UGGT1: variants seen among roughly 807,000 people sequenced by gnomAD.
UGGT1 encodes the protein UDP-glucose glycoprotein glucosyltransferase 1.
A neutral mutation model predicts 203.9 loss-of-function variants in UGGT1; 107 were observed. The ratio of observed to expected loss-of-function variants is 0.52; its 90% CI spans 0.45 to 0.62. The LOEUF (loss-of-function observed/expected upper bound fraction) is 0.62, where lower values mean the gene tolerates loss of function less well. Among genes scored for constraint, UGGT1 ranks in the 20% least tolerant of loss-of-function variants. The probability of loss-of-function intolerance (pLI) is 0.00; values close to 1 mark genes in which losing one functional copy is unlikely to be tolerated. For synonymous variants in UGGT1, 628 were observed against 653.5 expected (o/e 0.96, Z 0.59); for missense variants, 1,673 against 1,867.2 (o/e 0.90, Z 1.92).
chr2:128,129,132 C>G lies in UGGT1; in HGVS notation c.1330C>G (p.Pro444Ala). Residue 444 changes from proline to alanine, a missense_variant, in exon 13 of 41, where the codon CCC (proline) becomes GCC (alanine). By Grantham distance (27) the Pro-to-Ala change is conservative. This residue lies in a region of UGGT1 where 1,073 missense variants were observed against 1,078.7 expected (regional missense o/e 0.99). Transcript: ENST00000259253. ...LHNVLKLNIQ[P>A]SEADYAVDIR... The stretch of plus-strand genomic sequence containing the variant: ...TAATGTTTTGAAGCTGAACATCCAG[C>G]CCTCTGAGGCAGACTATGCCGTAGA... The G allele has an allele frequency of 6.2e-7, 1 of 1,614,018 alleles. No homozygotes were observed. Among genetic ancestry groups the G allele is most frequent in the Non-Finnish European group, 8.5e-7 (1 of 1,179,998 alleles).
chr2:128,091,278 C>G lies in UGGT1; in HGVS notation c.-80C>G. 7.1e-7 allele frequency: 1 copy of G among 1,414,148 alleles called. No individual in the cohort carries two copies. Among genetic ancestry groups the G allele is most frequent in the South Asian group, 1.4e-5 (1 of 73,326 alleles). 87.6% of individuals were successfully genotyped at this position (1,414,148 alleles called of 1,614,324 possible). A position where few individuals can be genotyped will look rare whatever the true frequency, so the allele number is the denominator to read the frequency against. ...GCGTGTCGGCCTCTCACTGGCGCAG[C>G]CTGCACTGCCGCTGCCGCCTCGCCC... On this transcript the variant is annotated 5_prime_UTR_variant, in exon 1 of 41. Coordinates refer to ENST00000259253, the MANE Select transcript of UGGT1 (RefSeq NM_020120.4).
At chr2:128,107,789 T>C in intron 3 of UGGT1, 149 bp from the exon 4 acceptor site, 1 of 1,073,220 alleles carries the variant, frequency 9.3e-7, no homozygotes, top group Non-Finnish European at 1.3e-6. Flanking sequence ...TCCAGGGAGT[T>C]TTAAGCATTT....
chr2:128,177,845 C>G lies in UGGT1; in HGVS notation c.3638C>G (p.Ala1213Gly). Residue 1213 changes from alanine to glycine, a missense_variant, in exon 33 of 41, where the codon GCA becomes GGA. By Grantham distance (60) the Ala-to-Gly change is moderately conservative. Transcript: ENST00000259253. Reference protein sequence around the residue: ...KIIKVKVQKKADMVNEDLLSD... With the variant: ...KIIKVKVQKKGDMVNEDLLSD... ...ATTTGATTGCAGGTTCAGAAGAAGG[C>G]AGATATGGTGAACGAAGACTTGCTG... 1 of 1,599,564 alleles carries G rather than the reference C, an allele frequency of 6.3e-7. No individual in the cohort carries two copies. The highest frequency in any genetic ancestry group is 8.5e-7 in the Non-Finnish European group (1 of 1,173,660).
rs188273185 is a variant in UGGT1, at chr2:128,132,877, A to G, written c.1378-264A>G. Among the ~76,000 whole-genome samples the G allele has an allele frequency of 9.7e-3, 1,477 of 151,762 alleles. 14 individuals are homozygous for G. Among genetic ancestry groups the G allele is most frequent in the Non-Finnish European group, 0.016 (1,056 of 67,912 alleles). The stretch of plus-strand genomic sequence containing the variant: ...CAGCCACCATGCCTGGCTAATTTTT[A>G]TATTTTTTTGCAGAGATGGGGGTCT... On this transcript the variant is annotated intron_variant, in intron 13 of 40. Coordinates refer to ENST00000259253, the MANE Select transcript of UGGT1 (RefSeq NM_020120.4).
rs1355012668 is a variant in UGGT1 at position 128,123,170 on chromosome 2, G to A, written c.1074-16G>A. 2 of 1,606,324 alleles carry A rather than the reference G, an allele frequency of 1.2e-6. No homozygotes were observed. The highest frequency in any genetic ancestry group is 2.2e-5 in the East Asian group (1 of 44,680). On this transcript the variant is annotated splice_polypyrimidine_tract_variant and intron_variant, in intron 10 of 40. Transcript: ENST00000259253. ...AAATATTAAGCCAAGCACTCATAATGTTTTTATTTCCTTAGAGCAATAACA... is the reference window on the plus strand; with the variant it reads ...AAATATTAAGCCAAGCACTCATAATATTTTTATTTCCTTAGAGCAATAACA...
At chr2:128,145,619 C>T (rs1689650662) in intron 17 of UGGT1, 184 bp from the exon 18 acceptor site, 3 of 594,926 alleles carry the variant, frequency 5.0e-6, no homozygotes, top group Non-Finnish European at 8.1e-6. Flanking sequence ...CTCAGATTTA[C>T]ATAGTAGGAT....
intron 18 of UGGT1, among the ~76,000 whole-genome samples, chr2:128,150,166 G>A (rs1040870657): frequency 6.6e-6 from 1 of 152,126 alleles, no homozygotes; most frequent in African/African-American, 2.4e-5. Context: ...GCCAGTTGTG[G>A]TGGCTGACGC....
chr2:128,186,478 GCCCCTGTAGT>G lies in UGGT1; in HGVS notation c.4360-201_4360-192del, dbSNP rs57682394. Reference sequence around the variant, plus strand: ...AAAAATTGGCCAGGCATGGTGGCGGGCCCCTGTAGTCCCAGCTACTCAGGAGGCTGAGGCA... The same window carrying G: ...AAAAATTGGCCAGGCATGGTGGCGGGCCCAGCTACTCAGGAGGCTGAGGCA... On this transcript the variant is annotated intron_variant, in intron 38 of 40. Coordinates refer to ENST00000259253, the MANE Select transcript of UGGT1 (RefSeq NM_020120.4). 4.1e-3 allele frequency among the ~76,000 whole-genome samples: 627 copies of G among 152,154 alleles called. 6 individuals carry two copies. The highest frequency in any genetic ancestry group is 0.013 in the African/African-American group (549 of 41,506).
At chr2:128,174,550 C>T (rs778888978) in intron 30 of UGGT1, among the ~76,000 whole-genome samples, 6 of 152,178 alleles carry the variant, frequency 3.9e-5, no homozygotes, top group Non-Finnish European at 5.9e-5. Flanking sequence ...ATCCACCTGC[C>T]GTGGTCTCCC....
intron 25 of UGGT1, among the ~76,000 whole-genome samples, chr2:128,162,525 G>A (rs959893825): frequency 6.6e-6 from 1 of 152,090 alleles, no homozygotes; most frequent in African/African-American, 2.4e-5. Context: ...TGTTGACTTG[G>A]ATAGCTGTCA....
At chr2:128,168,177 G>T (rs750990824) in intron 26 of UGGT1, among the ~76,000 whole-genome samples, 2 of 152,178 alleles carry the variant, frequency 1.3e-5, no homozygotes, top group African/African-American at 4.8e-5. Flanking sequence ...TTCTGATTCA[G>T]TAAGTCTGGG....
intron 11 of UGGT1, among the ~76,000 whole-genome samples, chr2:128,123,943 C>T (rs1462704793): frequency 1.3e-5 from 2 of 152,082 alleles, no homozygotes; most frequent in Non-Finnish European, 2.9e-5. Flanking sequence ...CAACTTTCTA[C>T]TTGTTTTTGT....
In UGGT1 at chr2:128,182,212, G is replaced by T; in HGVS notation, c.4166G>T (p.Arg1389Leu). ...PYGYTPFCDS[R>L]REMDGYRFWK... The stretch of plus-strand genomic sequence containing the variant: ...GGTTACACTCCTTTCTGTGACAGCC[G>T]AAGAGAAATGGACGGCTACAGGTTC... Residue 1389 changes from arginine (R) to leucine (L), a missense_variant, in exon 37 of 41, where the codon CGA becomes CTA. Arg to Leu is a moderately radical substitution (Grantham distance 102). Around this residue, in one of 4 missense-constraint regions of UGGT1, gnomAD observed 513 missense variants for 684.1 expected, o/e 0.75. Coordinates refer to ENST00000259253, the MANE Select transcript of UGGT1 (RefSeq NM_020120.4). 6.2e-7 allele frequency: 1 copy of T among 1,614,160 alleles called. No homozygotes were observed. Among genetic ancestry groups the T allele is most frequent in the Non-Finnish European group, 8.5e-7 (1 of 1,180,026 alleles).
intron 18 of UGGT1, 81 bp from the exon 19 acceptor site, chr2:128,152,703 T>A: frequency 2.6e-6 from 4 of 1,530,340 alleles, no homozygotes; most frequent in Non-Finnish European, 3.5e-6. Context: ...ATAAAGTTAA[T>A]AATTTTTTGG....
intron 2 of UGGT1, among the ~76,000 whole-genome samples, chr2:128,098,722 C>T (rs1454275862): frequency 1.4e-5 from 2 of 148,006 alleles, no homozygotes; most frequent in African/African-American, 2.5e-5. Context: ...GCAGTCCAGC[C>T]TGGGCAGCAG....
chr2:128,181,722 C>T (rs1342746549), intron 36 of UGGT1, among the ~76,000 whole-genome samples: 1 of 152,196 alleles, frequency 6.6e-6, no homozygotes, highest in Non-Finnish European at 1.5e-5. Flanking sequence ...CTGATTGTAA[C>T]ATAGCCACAT....
chr2:128,099,539 C>A (rs1573490013), intron 2 of UGGT1, among the ~76,000 whole-genome samples: 1 of 152,100 alleles, frequency 6.6e-6, no homozygotes, highest in Non-Finnish European at 1.5e-5. Flanking sequence ...ATGGTTGCAC[C>A]TCTTAAGGAA....
intron 7 of UGGT1, 72 bp from the exon 8 acceptor site, chr2:128,116,193 T>G: frequency 2.1e-6 from 2 of 960,084 alleles, no homozygotes; most frequent in Non-Finnish European, 1.6e-6. Context: ...TTATGAAGTT[T>G]ATGAGACTAG....
chr2:128,186,857 C>A, intron 39 of UGGT1, 58 bp downstream of exon 39: 1 of 1,172,388 alleles, frequency 8.5e-7, no homozygotes, highest in Non-Finnish European at 1.2e-6. Flanking sequence ...GAGTGAATCA[C>A]GATTAATGAT....
Sources: gnomAD v4.1 joint callset for allele counts (sites outside exome capture counted in the v4.1 genomes callset) on GRCh38, gnomAD v4.1.1 for gene constraint, gnomAD v4.1.1 regional missense constraint, MANE v1.5 for transcripts, NCBI Gene and HGNC (gene_info 2026-07-23, HGNC 2026-07-21) for gene names.